Variants in GALC observed in about 807,000 individuals in gnomAD.
GALC encodes galactosylceramidase, also known as galactocerebrosidase.
In GALC, 77 loss-of-function variants were observed where a neutral mutation model predicts 91.8. The ratio of observed to expected loss-of-function variants is 0.84; its 90% CI spans 0.70 to 1.01. The LOEUF (loss-of-function observed/expected upper bound fraction) is 1.01, where lower values mean the gene tolerates loss of function less well. Among genes scored for constraint, GALC ranks in the 50% least tolerant of loss-of-function variants. The pLI is 0.00. For synonymous variants in GALC, 357 were observed against 306.7 expected (o/e 1.16, Z -1.71); for missense variants, 882 against 855.9 (o/e 1.03, Z -0.38).
rs1884471221 is a variant in GALC, at chr14:87,934,141, C to CG, written c.*590_*591insC. On this transcript the variant is annotated 3_prime_UTR_variant, in exon 17 of 17. Coordinates refer to ENST00000261304, the MANE Select transcript of GALC (RefSeq NM_000153.4). ...TGTTAGAGGTAGTTTATTAAAGAGG[C>CG]ATTTTTAAAATCATCCCACTCATCA... The CG allele has an allele frequency of 7.0e-7, 1 of 1,422,756 alleles. No homozygotes were observed. The highest frequency in any genetic ancestry group is 9.2e-7 in the Non-Finnish European group (1 of 1,087,902). The allele number at this position is 1,422,756 out of a possible 1,614,324, so 88.1% of individuals were successfully genotyped here. A position where few individuals can be genotyped will look rare whatever the true frequency, so the allele number is the denominator to read the frequency against.
At chr14:87,950,793 T>A (rs558293541) in intron 10 of GALC, 45 bp from the exon 11 acceptor site, 1 of 1,325,890 alleles carries the variant, frequency 7.5e-7, no homozygotes, top group African/African-American at 1.5e-5. Context: ...ATGTATAAGC[T>A]ACCTTAGGGG....
intron 16 of GALC, among the ~76,000 whole-genome samples, chr14:87,935,634 A>G (rs765620382): frequency 9.2e-5 from 14 of 152,084 alleles, no homozygotes; most frequent in Non-Finnish European, 1.8e-4. Flanking sequence ...AGCTCTTATT[A>G]TCTTTATGAT....
At chr14:87,972,575 A>G (rs1886339903) in intron 7 of GALC, among the ~76,000 whole-genome samples, 1 of 152,184 alleles carries the variant, frequency 6.6e-6, no homozygotes, top group Non-Finnish European at 1.5e-5. Context: ...TTCAATTAAA[A>G]ATTTTAAAGA....
At chr14:87,968,010 T>C (rs1886125821) in intron 8 of GALC, among the ~76,000 whole-genome samples, 2 of 152,212 alleles carry the variant, frequency 1.3e-5, no homozygotes, top group Admixed American at 6.6e-5. Context: ...GCTAAAATAT[T>C]TAGAGATAAA....
At chr14:87,942,200 T>C (rs1195203561) in intron 14 of GALC, among the ~76,000 whole-genome samples, 1 of 152,002 alleles carries the variant, frequency 6.6e-6, no homozygotes, top group East Asian at 1.9e-4. Flanking sequence ...CGTGATTCAG[T>C]ACATCTGGGG....
At chr14:87,948,933 C>T (rs1044495152) in intron 12 of GALC, among the ~76,000 whole-genome samples, 3 of 151,992 alleles carry the variant, frequency 2.0e-5, no homozygotes, top group African/African-American at 4.8e-5. Context: ...TGGGCCAATT[C>T]GTTCTTTGAA....
intron 10 of GALC, among the ~76,000 whole-genome samples, chr14:87,959,169 TAGACATTTCTCAGAAGA>T (rs1885692078): frequency 2.0e-5 from 3 of 151,980 alleles, no homozygotes; most frequent in Admixed American, 6.6e-5. Context: ...AAGACTGTAA[TAGACATTTCTCAGAAGA>T]AGACATACAA....
intron 10 of GALC, among the ~76,000 whole-genome samples, chr14:87,957,481 A>C (rs928019553): frequency 6.6e-6 from 1 of 152,100 alleles, no homozygotes; most frequent in Admixed American, 6.6e-5. Flanking sequence ...ATATGTTGCT[A>C]TCCAATTTTC....
chr14:87,979,684 G>C (rs76679904), intron 6 of GALC, among the ~76,000 whole-genome samples: 4 of 152,178 alleles, frequency 2.6e-5, no homozygotes, highest in Middle Eastern at 6.8e-3. Flanking sequence ...ATGACCACAA[G>C]AGAGACATGT....
intron 3 of GALC, chr14:87,986,835 A>G (rs1886996326): frequency 3.7e-6 from 2 of 545,356 alleles, no homozygotes; most frequent in African/African-American, 3.8e-5. Flanking sequence ...TAAAACCACA[A>G]CCTTCTATTA....
rs1489965796 is a variant in GALC, at chr14:87,963,570, G to T, written c.1034-59C>A. The T allele has an allele frequency of 6.2e-6, 9 of 1,445,108 alleles. No homozygotes were observed. In the South Asian group the frequency reaches 8.5e-5, roughly 14 times the overall value. 89.5% of individuals were successfully genotyped at this position (1,445,108 alleles called of 1,614,324 possible). A position where few individuals can be genotyped will look rare whatever the true frequency, so the allele number is the denominator to read the frequency against. On this transcript the variant is annotated intron_variant, in intron 9 of 16. Transcript: ENST00000261304. ...AAATGGTAATAATAGTATTTCTTTT[G>T]GGAAAAAAAAAAAGCTGTATATCAA... is the stretch of plus-strand genomic sequence containing the variant.
At chr14:87,974,214 C>T (rs922934699) in intron 7 of GALC, among the ~76,000 whole-genome samples, 6 of 148,978 alleles carry the variant, frequency 4.0e-5, no homozygotes, top group Non-Finnish European at 9.1e-5. Flanking sequence ...AAGCAATGCA[C>T]ATAAAAGAAA....
At chr14:87,938,813 C>T (rs1209121499) in intron 16 of GALC, among the ~76,000 whole-genome samples, 1 of 151,784 alleles carries the variant, frequency 6.6e-6, no homozygotes, top group African/African-American at 2.4e-5. Context: ...AAATGTAAAA[C>T]TTATAATCAT....
At chr14:87,940,429 T>C (rs1167296009) in intron 15 of GALC, among the ~76,000 whole-genome samples, 6 of 151,890 alleles carry the variant, frequency 4.0e-5, no homozygotes, top group African/African-American at 1.2e-4. Flanking sequence ...ATTAGTGTTA[T>C]TTGAATGCCT....
rs149743970 is a variant in GALC at position 87,976,364 on chromosome 14, A to G, written c.746T>C (p.Val249Ala). 2 of 1,613,972 alleles carry G rather than the reference A, an allele frequency of 1.2e-6. No homozygotes were observed. Among genetic ancestry groups the G allele is most frequent in the East Asian group, 2.2e-5 (1 of 44,858 alleles). The change falls in exon 7 of 17, where the codon GTT (valine) becomes GCT (alanine). Residue 249 changes from valine (V) to alanine (A), a missense_variant. Transcript: ENST00000261304. The part of the protein sequence containing the change: ...LDAELFKVVD[V>A]IGAHYPGTHS... ...CAAGTAAAACATGCCTTACCCTATA[A>G]CATCAACCACCTTGAAGAGTTCGGC...
In GALC at chr14:87,961,776, A is replaced by T. The variant is rs143700977; in HGVS notation, c.1161+1608T>A. On this transcript the variant is annotated intron_variant, in intron 10 of 16. Transcript: ENST00000261304. Reference sequence around the variant, plus strand: ...CTGCAGATGAGATCCTGAGACACTGACAAAAAGGTGGCAGAAAGGTTAAGA... The same window carrying T: ...CTGCAGATGAGATCCTGAGACACTGTCAAAAAGGTGGCAGAAAGGTTAAGA... Among the ~76,000 whole-genome samples, 4 of 152,278 alleles carry T rather than the reference A, an allele frequency of 2.6e-5. No individual in the cohort carries two copies. The East Asian group carries it at 7.7e-4, about 29-fold the overall frequency.
chr14:87,946,533 T>C (rs1419429098), intron 13 of GALC, among the ~76,000 whole-genome samples: 1 of 152,008 alleles, frequency 6.6e-6, no homozygotes, highest in Non-Finnish European at 1.5e-5. Context: ...ATTTATATTG[T>C]AGCTCATAAA....
At chr14:87,961,741 C>T (rs17123948) in intron 10 of GALC, among the ~76,000 whole-genome samples, 2,462 of 152,202 alleles carry the variant, frequency 0.016, 69 homozygotes, top group African/African-American at 0.056. Flanking sequence ...TGCCTACTCA[C>T]TCTAAGAGCC....
intron 14 of GALC, among the ~76,000 whole-genome samples, chr14:87,943,607 A>T (rs1566970794): frequency 6.6e-6 from 1 of 151,996 alleles, no homozygotes; most frequent in Non-Finnish European, 1.5e-5. Context: ...CTTACAAGTG[A>T]AATATTGGGT....
Sources: gnomAD v4.1 joint callset for allele counts (sites outside exome capture counted in the v4.1 genomes callset) on GRCh38, gnomAD v4.1.1 for gene constraint, MANE v1.5 for transcripts, NCBI Gene and HGNC (gene_info 2026-07-23, HGNC 2026-07-21) for gene names.